Variants in NCK1 observed in about 807,000 individuals in gnomAD.
NCK1 encodes the protein NCK adaptor protein 1, also known as SH2/SH3 adapter protein NCK1.
In NCK1, 19 loss-of-function variants were observed where a neutral mutation model predicts 36.6. That is an observed-to-expected ratio of 0.52 (90% CI 0.36 to 0.76). The LOEUF (loss-of-function observed/expected upper bound fraction) is 0.76, where lower values mean the gene tolerates loss of function less well. Among genes scored for constraint, NCK1 ranks in the 30% least tolerant of loss-of-function variants. The pLI, the probability that NCK1 is intolerant of heterozygous loss-of-function variation, is 0.00. For missense variants in NCK1, 358 were observed against 445.6 expected, an observed-to-expected ratio of 0.80 and a Z score of 1.77; for synonymous variants, 165 against 156.0, an observed-to-expected ratio of 1.06 and a Z score of -0.43.
At chr3:136,908,267 C>T (rs1391334098) in intron 1 of NCK1, among the ~76,000 whole-genome samples, 1 of 151,944 alleles carries the variant, frequency 6.6e-6, no homozygotes, top group East Asian at 1.9e-4. Context: ...CTGCAGGGAC[C>T]CATATAGTCT....
rs764643858 is a variant in NCK1, at chr3:136,946,277, T to C, written c.921T>C (p.Ile307=). The change falls in exon 3 of 4, where the codon ATT becomes ATC. Residue 307 remains isoleucine, a synonymous_variant. Transcript: ENST00000481752. The part of the protein sequence containing the change: ...NERGHEGDFL[I]RDSESSPNDF... ...GAGGACATGAAGGGGATTTCCTCAT[T>C]CGTGATAGTGAATCTTCGGTAAGTT... 1.4e-5 allele frequency: 22 copies of C among 1,611,106 alleles called. No individual in the cohort carries two copies. The South Asian group carries it at 2.0e-4, about 15-fold the overall frequency.
Position 136,867,826 on chromosome 3 carries a change from C to A in NCK1, c.-19+5473C>A, listed in dbSNP as rs554836597. ...TACTTCTCATCTCTTGTAATTTTGC[C>A]TTATTTGCCTCACATTATTTTGCAT... On this transcript the variant is annotated intron_variant, in intron 1 of 3. Coordinates refer to ENST00000481752, the MANE Select transcript of NCK1 (RefSeq NM_001291999.2). Among the ~76,000 whole-genome samples the A allele has an allele frequency of 5.9e-5, 9 of 152,210 alleles. No homozygotes were observed. In the South Asian group the frequency reaches 1.5e-3, roughly 25 times the overall value.
intron 1 of NCK1, among the ~76,000 whole-genome samples, chr3:136,926,286 A>T (rs979980539): frequency 2.6e-5 from 4 of 150,950 alleles, no homozygotes; most frequent in South Asian, 2.1e-4. Flanking sequence ...TATTATTATT[A>T]TTTTTTGATA....
chr3:136,865,124 A>G (rs1430675983), intron 1 of NCK1, among the ~76,000 whole-genome samples: 1 of 151,620 alleles, frequency 6.6e-6, no homozygotes, highest in Non-Finnish European at 1.5e-5. Context: ...CGCCTGACTA[A>G]TTTTTGTATT....
intron 1 of NCK1, among the ~76,000 whole-genome samples, chr3:136,890,822 C>A (rs1576956233): frequency 6.6e-6 from 1 of 152,164 alleles, no homozygotes; most frequent in Non-Finnish European, 1.5e-5. Context: ...TCACCACCAC[C>A]TGTTTGCATA....
intron 1 of NCK1, among the ~76,000 whole-genome samples, chr3:136,908,601 G>T (rs1939746870): frequency 6.6e-6 from 1 of 152,162 alleles, no homozygotes; most frequent in Non-Finnish European, 1.5e-5. Flanking sequence ...ACAGGGATAG[G>T]TTGTCCCACC....
intron 1 of NCK1, among the ~76,000 whole-genome samples, chr3:136,926,026 C>T (rs928257630): frequency 6.6e-6 from 1 of 152,106 alleles, no homozygotes; most frequent in African/African-American, 2.4e-5. Flanking sequence ...TTCTGACAAG[C>T]GTATGTAGTG....
chr3:136,917,086 A>G (rs1475434516), intron 1 of NCK1, among the ~76,000 whole-genome samples: 1 of 152,274 alleles, frequency 6.6e-6, no homozygotes, highest in Non-Finnish European at 1.5e-5. Context: ...AACATAGTAT[A>G]AAATGTGGAG....
rs1331376653 is a variant in NCK1, at chr3:136,886,342, C to T, written c.-19+23989C>T. Among the ~76,000 whole-genome samples the T allele has an allele frequency of 4.6e-5, 7 of 151,898 alleles. No individual in the cohort carries two copies. In the East Asian group the frequency reaches 1.2e-3, roughly 25 times the overall value. On this transcript the variant is annotated intron_variant, in intron 1 of 3. Coordinates refer to ENST00000481752, the MANE Select transcript of NCK1 (RefSeq NM_001291999.2). ...TTGGTTCCAAGACTCCTTGCAGATA[C>T]CAAAATTTGAGGATGCTTGAGTCTC...
intron 2 of NCK1, among the ~76,000 whole-genome samples, chr3:136,932,341 CAGAGT>C (rs1467826789): frequency 1.3e-5 from 2 of 152,100 alleles, no homozygotes; most frequent in Non-Finnish European, 2.9e-5. Flanking sequence ...GGCAGTTTGT[CAGAGT>C]AGAGACAGGC....
At chr3:136,902,194 T>TG (rs199761240) in intron 1 of NCK1, among the ~76,000 whole-genome samples, 2 of 91,272 alleles carry the variant, frequency 2.2e-5, no homozygotes, top group Non-Finnish European at 4.5e-5. Context: ...GTTTTTTTTT[T>TG]TTTTTTTTGT....
intron 1 of NCK1, chr3:136,867,456 G>T (rs1938484791): frequency 8.2e-6 from 1 of 121,566 alleles, no homozygotes; most frequent in Admixed American, 1.1e-4. Flanking sequence ...GTGTTGTTCA[G>T]ACTGGTTTTG....
intron 2 of NCK1, among the ~76,000 whole-genome samples, chr3:136,934,883 G>A (rs1940488765): frequency 6.6e-6 from 1 of 152,140 alleles, no homozygotes; most frequent in South Asian, 2.1e-4. Context: ...AAAAGGACTA[G>A]TCAAGGTTAA....
chr3:136,865,920 T>C lies in NCK1; in HGVS notation c.-19+3567T>C, dbSNP rs560288934. ...TACCCAGACACAAACTTTGGTTTTA[T>C]CTCTATGCGTGTAACAATATTGGCT... is the stretch of plus-strand genomic sequence containing the variant. On this transcript the variant is annotated intron_variant, in intron 1 of 3. Transcript: ENST00000481752. Among the ~76,000 whole-genome samples the C allele has an allele frequency of 3.9e-5, 6 of 152,354 alleles. No homozygotes were observed. In the East Asian group the frequency reaches 9.6e-4, roughly 24 times the overall value.
At chr3:136,942,365 A>T (rs1940701340) in intron 2 of NCK1, among the ~76,000 whole-genome samples, 1 of 152,116 alleles carries the variant, frequency 6.6e-6, no homozygotes, top group South Asian at 2.1e-4. Flanking sequence ...TAGTGACTTT[A>T]CTAAACTACT....
At chr3:136,862,693 GT>G (rs1938266071) in intron 1 of NCK1, among the ~76,000 whole-genome samples, 1 of 152,196 alleles carries the variant, frequency 6.6e-6, no homozygotes, top group South Asian at 2.1e-4. Context: ...TGGTTGACTT[GT>G]CTGTTTTCTC....
At chr3:136,883,372 T>C (rs1204737179) in intron 1 of NCK1, among the ~76,000 whole-genome samples, 6 of 152,180 alleles carry the variant, frequency 3.9e-5, no homozygotes. Context: ...ACCTATGTAC[T>C]TTGCAGTTTC....
At chr3:136,948,027 G>C (rs1300831310) in intron 3 of NCK1, among the ~76,000 whole-genome samples, 1 of 152,068 alleles carries the variant, frequency 6.6e-6, no homozygotes, top group Non-Finnish European at 1.5e-5. Context: ...TGGCTCTGTT[G>C]TTAACTAGAT....
At chr3:136,909,784 A>C (rs1001094761) in intron 1 of NCK1, among the ~76,000 whole-genome samples, 1 of 152,182 alleles carries the variant, frequency 6.6e-6, no homozygotes, top group African/African-American at 2.4e-5. Flanking sequence ...AATGTTTATC[A>C]TAGTATCTTC....
Sources: gnomAD v4.1 joint callset for allele counts (sites outside exome capture counted in the v4.1 genomes callset) on GRCh38, gnomAD v4.1.1 for gene constraint, MANE v1.5 for transcripts, NCBI Gene and HGNC (gene_info 2026-07-23, HGNC 2026-07-21) for gene names.